Variants in NCAPD3 observed in about 807,000 individuals in gnomAD.
The protein encoded by NCAPD3 is non-SMC condensin II complex subunit D3, also known as condensin-2 complex subunit D3.
NCAPD3 carries 105 observed loss-of-function variants against 182.9 expected under a neutral mutation model. The observed-to-expected ratio is 0.57, with a 90% confidence interval of 0.49 to 0.68. NCAPD3 has a LOEUF of 0.68. NCAPD3 is among the 30% of genes least tolerant of loss of function. The probability of loss-of-function intolerance (pLI) is 0.00; values close to 1 mark genes in which losing one functional copy is unlikely to be tolerated. For missense variants in NCAPD3, 1,944 were observed against 1,837.0 expected, an observed-to-expected ratio of 1.06 and a Z score of -1.07; for synonymous variants, 815 against 679.9, an observed-to-expected ratio of 1.20 and a Z score of -3.09.
intron 27 of NCAPD3, among the ~76,000 whole-genome samples, chr11:134,165,935 ACACT>A (rs576299838): frequency 6.7e-4 from 74 of 109,712 alleles, no homozygotes; most frequent in African/African-American, 2.6e-3. Context: ...GGGGAGCAGC[ACACT>A]CACTTGTGAG....
chr11:134,195,849 AT>A (rs1944616379), intron 13 of NCAPD3, among the ~76,000 whole-genome samples: 1 of 152,188 alleles, frequency 6.6e-6, no homozygotes. Context: ...ATCTGTTGCA[AT>A]TTGATAAGTC....
At chr11:134,223,142 G>A (rs1278701965) in intron 1 of NCAPD3, 4 of 422,714 alleles carry the variant, frequency 9.5e-6, no homozygotes, top group Non-Finnish European at 1.7e-5. Context: ...AAACAAAGGG[G>A]AAACATTAAA....
intron 24 of NCAPD3, among the ~76,000 whole-genome samples, chr11:134,169,675 A>C (rs1943959547): frequency 2.0e-5 from 3 of 152,188 alleles, no homozygotes; most frequent in Non-Finnish European, 2.9e-5. Flanking sequence ...AATGCTGCAC[A>C]TGGGACACAG....
chr11:134,153,266 C>T, intron 33 of NCAPD3, 23 bp downstream of exon 33: 1 of 1,614,010 alleles, frequency 6.2e-7, no homozygotes, highest in Non-Finnish European at 8.5e-7. Context: ...ATCTATCAGC[C>T]CAGAAGGACA....
intron 2 of NCAPD3, among the ~76,000 whole-genome samples, chr11:134,219,040 C>T (rs1337097975): frequency 6.6e-6 from 1 of 152,192 alleles, no homozygotes; most frequent in Admixed American, 6.5e-5. Flanking sequence ...TGTTCAAACT[C>T]CACTGCTGAA....
intron 3 of NCAPD3, among the ~76,000 whole-genome samples, chr11:134,216,634 C>A (rs1190700927): frequency 3.9e-5 from 6 of 152,018 alleles, no homozygotes; most frequent in African/African-American, 1.5e-4. Flanking sequence ...GAAGAAAGGG[C>A]AATATCAGAA....
At chr11:134,188,677 G>T (rs576121757) in intron 16 of NCAPD3, among the ~76,000 whole-genome samples, 2 of 152,104 alleles carry the variant, frequency 1.3e-5, no homozygotes, top group East Asian at 3.9e-4. Context: ...GCGAGACCAC[G>T]AACCCACCAG....
intron 26 of NCAPD3, 33 bp downstream of exon 26, chr11:134,168,436 A>ACAC: frequency 6.2e-7 from 1 of 1,612,324 alleles, no homozygotes; most frequent in Non-Finnish European, 8.5e-7. Flanking sequence ...ATTTGCAAAC[A>ACAC]CACACATTTT....
intron 8 of NCAPD3, 70 bp from the exon 9 acceptor site, chr11:134,205,041 T>C (rs1357021563): frequency 1.7e-6 from 2 of 1,169,306 alleles, no homozygotes; most frequent in African/African-American, 3.1e-5. Context: ...CCACTACTCC[T>C]ATATTTAGAA....
intron 27 of NCAPD3, among the ~76,000 whole-genome samples, chr11:134,167,789 G>A (rs964333648): frequency 3.1e-5 from 4 of 127,970 alleles, no homozygotes; most frequent in Admixed American, 1.7e-4. Flanking sequence ...CTTGGGGGAG[G>A]TGCACACTCG....
At chr11:134,219,885 C>T (rs1458723629) in intron 2 of NCAPD3, among the ~76,000 whole-genome samples, 1 of 152,044 alleles carries the variant, frequency 6.6e-6, no homozygotes, top group East Asian at 1.9e-4. Flanking sequence ...TAACCTCCGC[C>T]TCCTGGGTTC....
At chr11:134,191,167 C>G (rs568076363) in intron 16 of NCAPD3, among the ~76,000 whole-genome samples, 14 of 152,286 alleles carry the variant, frequency 9.2e-5, no homozygotes, top group African/African-American at 3.4e-4. Context: ...CAACCTGATT[C>G]CAGGTTTAAT....
intron 24 of NCAPD3, among the ~76,000 whole-genome samples, chr11:134,171,716 T>C (rs936453228): frequency 2.0e-5 from 3 of 152,174 alleles, no homozygotes; most frequent in African/African-American, 4.8e-5. Context: ...CCTTCCTCCA[T>C]GTACTCTGCA....
At chr11:134,155,912 C>T (rs959246226) in intron 32 of NCAPD3, among the ~76,000 whole-genome samples, 2 of 152,194 alleles carry the variant, frequency 1.3e-5, no homozygotes, top group African/African-American at 4.8e-5. Context: ...TGAAAATTAC[C>T]TCTAACCTGT....
At chr11:134,198,127 G>T (rs1944675615) in intron 13 of NCAPD3, among the ~76,000 whole-genome samples, 1 of 152,176 alleles carries the variant, frequency 6.6e-6, no homozygotes, top group Non-Finnish European at 1.5e-5. Flanking sequence ...GACCATGACG[G>T]GATGTGGGGG....
chr11:134,153,382 C>T lies in NCAPD3; in HGVS notation c.4253-19G>A, dbSNP rs753095764. 1 of 1,613,540 alleles carries T rather than the reference C, an allele frequency of 6.2e-7. No individual in the cohort carries two copies. The highest frequency in any genetic ancestry group is 1.1e-5 in the South Asian group (1 of 91,068). On this transcript the variant is annotated intron_variant, in intron 32 of 34. Transcript: ENST00000534548. ...ATGCTCTCTGCATAAAGAGGAGACA[C>T]CACTGAGTGAAAGCCGCGTGGTCTA...
At position 134,153,380 on chromosome 11, in the gene NCAPD3, C is replaced by G; in HGVS notation, c.4253-17G>C. ...TGATGCTCTCTGCATAAAGAGGAGA[C>G]ACCACTGAGTGAAAGCCGCGTGGTC... On this transcript the variant is annotated splice_polypyrimidine_tract_variant and intron_variant, in intron 32 of 34. Coordinates refer to ENST00000534548, the MANE Select transcript of NCAPD3 (RefSeq NM_015261.3). The G allele has an allele frequency of 6.2e-7, 1 of 1,613,762 alleles. No individual in the cohort carries two copies. The highest frequency in any genetic ancestry group is 1.1e-5 in the South Asian group (1 of 91,080).
Position 134,204,136 on chromosome 11 carries a change from G to T in NCAPD3, c.1125C>A (p.Ala375=), listed in dbSNP as rs376426761. 3.9e-5 allele frequency: 63 copies of T among 1,613,852 alleles called. No homozygotes were observed. The highest frequency in any genetic ancestry group is 5.0e-5 in the Admixed American group (3 of 59,986). ...TACTGAGCAGCTGGACTAGGGACTG[G>T]GCTGCAAAAGTACGATACTCTGATT... ...VDKSEYRTFA[A]QSLVQLLSKL... Residue 375 remains alanine (A), a synonymous_variant, in exon 10 of 35, where the codon GCC becomes GCA. Transcript: ENST00000534548. The surrounding 1 kb of genome is among the most constrained non-coding windows in gnomAD (Gnocchi z 4.3).
intron 27 of NCAPD3, among the ~76,000 whole-genome samples, chr11:134,167,073 AGCT>A (rs1470375414): frequency 0.065 from 5,756 of 88,930 alleles, 1,470 homozygotes; most frequent in African/African-American, 0.13. Flanking sequence ...AGCTTGGGGG[AGCT>A]GCACACTCAC....
Sources: gnomAD v4.1 joint callset for allele counts (sites outside exome capture counted in the v4.1 genomes callset) on GRCh38, gnomAD v4.1.1 for gene constraint, Gnocchi (gnomAD v3.1) non-coding constraint, MANE v1.5 for transcripts, NCBI Gene and HGNC (gene_info 2026-07-23, HGNC 2026-07-21) for gene names.